The following HCRTR2 variants were observed in gnomAD, a reference collection of about 807,000 sequenced individuals.
HCRTR2 encodes hypocretin receptor 2, also known as orexin receptor type 2.
A neutral mutation model predicts 49.0 loss-of-function variants in HCRTR2; 22 were observed. That is an observed-to-expected ratio of 0.45 (90% confidence interval 0.32 to 0.64). HCRTR2 has a LOEUF of 0.64. HCRTR2 is among the 30% of genes least tolerant of loss of function. HCRTR2 has a pLI of 0.04. For missense variants in HCRTR2, 491 were observed against 559.4 expected (o/e 0.88, Z 1.23); for synonymous variants, 236 against 205.3 (o/e 1.15, Z -1.28).
chr6:55,248,593 C>T lies in HCRTR2; in HGVS notation c.224-46C>T, dbSNP rs765157120. ...TACTGACAGTGTTTCCTCACCAATA[C>T]CTATTTTCTTTGTTGAGTGCCTATT... On this transcript the variant is annotated intron_variant, in intron 1 of 6. Transcript: ENST00000370862. 5.6e-6 allele frequency: 8 copies of T among 1,437,202 alleles called. No individual in the cohort carries two copies. In the South Asian group the frequency reaches 9.1e-5, roughly 16 times the overall value. 89.0% of individuals were successfully genotyped at this position (1,437,202 alleles called of 1,614,324 possible).
chr6:55,213,418 G>A lies in HCRTR2; in HGVS notation c.224-35221G>A, dbSNP rs555526658. The stretch of plus-strand genomic sequence containing the variant: ...GAATTAAAACTGAACTAGTTGCTGG[G>A]GAGTGACATCAGCAAGATGGAGATA... On this transcript the variant is annotated intron_variant, in intron 1 of 6. Transcript: ENST00000370862. Among the ~76,000 whole-genome samples, 10 of 152,160 alleles carry A rather than the reference G, an allele frequency of 6.6e-5. No homozygotes were observed. The South Asian group carries it at 1.7e-3, about 25-fold the overall frequency.
intron 3 of HCRTR2, among the ~76,000 whole-genome samples, chr6:55,261,887 T>C: frequency 6.6e-6 from 1 of 152,004 alleles, no homozygotes. Flanking sequence ...CAAATGCCCA[T>C]CAATCAATGA....
At chr6:55,225,041 T>C (rs1765975507) in intron 1 of HCRTR2, among the ~76,000 whole-genome samples, 1 of 152,188 alleles carries the variant, frequency 6.6e-6, no homozygotes, top group Non-Finnish European at 1.5e-5. Flanking sequence ...TGTGAGGTAA[T>C]ACATTTTTTA....
At chr6:55,278,854 G>A (rs1317081218) in intron 5 of HCRTR2, among the ~76,000 whole-genome samples, 1 of 151,364 alleles carries the variant, frequency 6.6e-6, no homozygotes, top group African/African-American at 2.4e-5. Context: ...GTTACTGGAT[G>A]GGTTTTATTC....
chr6:55,281,240 T>C (rs1767184291), intron 6 of HCRTR2, among the ~76,000 whole-genome samples: 1 of 152,194 alleles, frequency 6.6e-6, no homozygotes, highest in Admixed American at 6.5e-5. Flanking sequence ...ACTTGATCTT[T>C]GGCCTTCTGG....
intron 1 of HCRTR2, among the ~76,000 whole-genome samples, chr6:55,162,365 A>T (rs1764818634): frequency 6.6e-6 from 1 of 152,178 alleles, no homozygotes; most frequent in Non-Finnish European, 1.5e-5. Context: ...TTTATGACAA[A>T]CCCATACCCA....
At chr6:55,204,839 C>T (rs1765573719) in intron 1 of HCRTR2, among the ~76,000 whole-genome samples, 2 of 151,484 alleles carry the variant, frequency 1.3e-5, no homozygotes, top group South Asian at 4.2e-4. Flanking sequence ...AGGCTGTAGT[C>T]TAGTTTCGCG....
At chr6:55,223,080 C>G (rs1191275948) in intron 1 of HCRTR2, among the ~76,000 whole-genome samples, 1 of 152,150 alleles carries the variant, frequency 6.6e-6, no homozygotes, top group Non-Finnish European at 1.5e-5. Context: ...GGAATTTTTA[C>G]TAAAGCAGAG....
At chr6:55,141,570 T>C (rs1764507751) in intron 1 of HCRTR2, among the ~76,000 whole-genome samples, 1 of 152,162 alleles carries the variant, frequency 6.6e-6, no homozygotes. Flanking sequence ...ACATTACTTT[T>C]GTAAAATATT....
At chr6:55,120,195 C>G (rs533117158) in intron 1 of HCRTR2, among the ~76,000 whole-genome samples, 8 of 152,058 alleles carry the variant, frequency 5.3e-5, no homozygotes, top group Non-Finnish European at 1.0e-4. Flanking sequence ...AGGTTGAAGT[C>G]AAGTAGCATG....
chr6:55,196,812 A>G (rs1303065144), intron 1 of HCRTR2, among the ~76,000 whole-genome samples: 1 of 152,192 alleles, frequency 6.6e-6, no homozygotes, highest in Non-Finnish European at 1.5e-5. Context: ...CTTCTGACAG[A>G]TTGTTCTTCT....
At chr6:55,173,764 C>T (rs971410146), upstream of HCRTR2, among the ~76,000 whole-genome samples, 7 of 152,168 alleles carry the variant, frequency 4.6e-5, no homozygotes, top group Non-Finnish European at 7.3e-5. Context: ...ACTTAACTAT[C>T]GCAAATACAA....
intron 1 of HCRTR2, among the ~76,000 whole-genome samples, chr6:55,117,927 G>A (rs1764141532): frequency 6.6e-6 from 1 of 151,048 alleles, no homozygotes; most frequent in Admixed American, 6.6e-5. Flanking sequence ...GGGCACATGT[G>A]CAGGATCTGC....
intron 1 of HCRTR2, among the ~76,000 whole-genome samples, chr6:55,108,859 G>T (rs1484621403): frequency 6.6e-6 from 1 of 152,130 alleles, no homozygotes; most frequent in Admixed American, 6.5e-5. Flanking sequence ...AGAAAGCATT[G>T]TGGGGAGGGG....
intron 4 of HCRTR2, among the ~76,000 whole-genome samples, chr6:55,268,493 G>A: frequency 6.6e-6 from 1 of 151,998 alleles, no homozygotes; most frequent in East Asian, 1.9e-4. Context: ...CTTGTATTCA[G>A]ATATACAAAT....
At chr6:55,153,250 A>T (rs143948225) in intron 1 of HCRTR2, among the ~76,000 whole-genome samples, 176 of 152,084 alleles carry the variant, frequency 1.2e-3, no homozygotes, top group Admixed American at 2.0e-3. Flanking sequence ...CAGGGAAGGG[A>T]TACATTCTGA....
At chr6:55,267,648 G>A (rs1224083754) in intron 4 of HCRTR2, among the ~76,000 whole-genome samples, 1 of 152,062 alleles carries the variant, frequency 6.6e-6, no homozygotes, top group African/African-American at 2.4e-5. Flanking sequence ...AGGTACTGAG[G>A]ATGGACTGTA....
intron 1 of HCRTR2, among the ~76,000 whole-genome samples, chr6:55,220,864 C>T (rs1368970999): frequency 6.6e-6 from 1 of 152,008 alleles, no homozygotes. Flanking sequence ...AATTGCAGAA[C>T]ATAAAATCGA....
intron 1 of HCRTR2, among the ~76,000 whole-genome samples, chr6:55,236,111 A>C (rs971741975): frequency 2.0e-5 from 3 of 152,006 alleles, no homozygotes; most frequent in Non-Finnish European, 4.4e-5. Flanking sequence ...ACAGCCTTAC[A>C]ATACTTATTC....
Sources: gnomAD v4.1 joint callset for allele counts (sites outside exome capture counted in the v4.1 genomes callset) on GRCh38, gnomAD v4.1.1 for gene constraint, MANE v1.5 for transcripts, NCBI Gene and HGNC (gene_info 2026-07-23, HGNC 2026-07-21) for gene names.